SPATA24: variants seen among roughly 807,000 people sequenced by gnomAD.
SPATA24 encodes spermatogenesis associated 24.
Under a neutral mutation model 28.9 loss-of-function variants are expected in SPATA24, and 21 were observed. The ratio of observed to expected loss-of-function variants is 0.73; its 90% CI spans 0.52 to 1.05. The LOEUF is 1.05. Among genes scored for constraint, SPATA24 ranks in the 50% least tolerant of loss-of-function variants. The pLI is 0.00. For synonymous variants in SPATA24, 76 were observed against 89.9 expected, an observed-to-expected ratio of 0.85 and a Z score of 0.88; for missense variants, 215 against 242.9, an observed-to-expected ratio of 0.88 and a Z score of 0.76.
chr5:139,392,611 G>A, downstream of SPATA24: 17 of 1,376,876 alleles, frequency 1.2e-5, no homozygotes, highest in Non-Finnish European at 1.5e-5. This position sits in a 1 kb window ranked among gnomAD's most constrained non-coding sequence, Gnocchi z 5.8. Flanking sequence ...GGGCTCGGGG[G>A]CCGTAGGTGG....
chr5:139,394,680 C>T (rs558105788), downstream of SPATA24: 2 of 1,534,480 alleles, frequency 1.3e-6, no homozygotes, highest in South Asian at 2.4e-5. Context: ...GCTCCGTGAA[C>T]TGTTGTTGCG....
At chr5:139,397,450 C>G (rs1413628744) in intron 4 of SPATA24, among the ~76,000 whole-genome samples, 1 of 152,096 alleles carries the variant, frequency 6.6e-6, no homozygotes, top group Non-Finnish European at 1.5e-5. Flanking sequence ...GGCGCCTGCC[C>G]TCAACTCCTG....
At chr5:139,403,512 C>T (rs1242607544) in intron 1 of SPATA24, among the ~76,000 whole-genome samples, 2 of 152,164 alleles carry the variant, frequency 1.3e-5, no homozygotes, top group African/African-American at 2.4e-5. Flanking sequence ...TCTTGGAGGC[C>T]CCTAAGTTAG....
At chr5:139,394,342 G>A (rs1033410118), downstream of SPATA24, 3 of 1,438,678 alleles carry the variant, frequency 2.1e-6, no homozygotes, top group Admixed American at 8.6e-5. Flanking sequence ...GAAGCCCGCG[G>A]CGGCCTGCAG....
chr5:139,393,920 C>CA, downstream of SPATA24: 1 of 1,551,038 alleles, frequency 6.4e-7, no homozygotes, highest in South Asian at 1.2e-5. Flanking sequence ...CTTGGCCTCA[C>CA]AGCCCTACTC....
intron 4 of SPATA24, among the ~76,000 whole-genome samples, chr5:139,400,762 G>A (rs757806843): frequency 6.6e-6 from 1 of 152,092 alleles, no homozygotes; most frequent in Non-Finnish European, 1.5e-5. Flanking sequence ...ACAGAGCAGA[G>A]TTGAAAACTG....
intron 4 of SPATA24, among the ~76,000 whole-genome samples, chr5:139,397,426 G>A (rs1758734773): frequency 6.6e-6 from 1 of 152,166 alleles, no homozygotes; most frequent in South Asian, 2.1e-4. Context: ...CTGACCAAAG[G>A]CTGGAAGATG....
chr5:139,396,118 C>T (rs1758700093), downstream of SPATA24: 1 of 950,178 alleles, frequency 1.1e-6, no homozygotes, highest in Admixed American at 6.2e-5. Flanking sequence ...CCCTCCTGTG[C>T]ACTTGGCCTC....
At chr5:139,396,114 T>C, downstream of SPATA24, 1 of 933,520 alleles carries the variant, frequency 1.1e-6, no homozygotes, top group African/African-American at 1.8e-5. Context: ...TGCCCCCTCC[T>C]GTGCACTTGG....
At position 139,402,546 on chromosome 5, in the gene SPATA24, G is replaced by A; in HGVS notation, c.183+82C>T. The A allele has an allele frequency of 3.1e-6, 4 of 1,292,124 alleles. No homozygotes were observed. The South Asian group carries it at 5.1e-5, about 16-fold the overall frequency. The allele number at this position is 1,292,124 out of a possible 1,614,324, so 80.0% of individuals were successfully genotyped here. On this transcript the variant is annotated intron_variant, in intron 2 of 5. Coordinates refer to ENST00000450845, the MANE Select transcript of SPATA24 (RefSeq NM_194296.2). ...TTGTGAGCCACTGCACCCATCAGAG[G>A]CTAATACTTAATGAGCCTGCCTAAC...
intron 1 of SPATA24, 84 bp downstream of exon 1, chr5:139,403,860 C>A: frequency 8.4e-7 from 1 of 1,191,234 alleles, no homozygotes; most frequent in South Asian, 1.3e-5. Flanking sequence ...TAGCCACGGC[C>A]CCCGCATCGG....
chr5:139,402,059 A>G lies in SPATA24; in HGVS notation c.184-14T>C. 6.5e-7 allele frequency: 1 copy of G among 1,550,258 alleles called. No individual in the cohort carries two copies. On this transcript the variant is annotated splice_polypyrimidine_tract_variant and intron_variant, in intron 2 of 5. Transcript: ENST00000450845. Reference sequence around the variant, plus strand: ...AGCTTTCTCTTCCTGCAGGGGCAGCAGCAGTCACCTCATTACCCTAGGCCG... The same window carrying G: ...AGCTTTCTCTTCCTGCAGGGGCAGCGGCAGTCACCTCATTACCCTAGGCCG...
rs1454973919 is a variant in SPATA24, at chr5:139,397,142, C to A, written c.387G>T (p.Glu129Asp). The A allele has an allele frequency of 6.4e-7, 1 of 1,551,366 alleles. No homozygotes were observed. Among genetic ancestry groups the A allele is most frequent in the East Asian group, 2.4e-5 (1 of 40,916 alleles). Residue 129 changes from glutamate (E) to aspartate (D), a missense_variant and splice_region_variant, in exon 5 of 6, where the codon GAG becomes GAT. Physicochemically the swap from Glu to Asp is conservative, Grantham distance 45 (BLOSUM62 2). Transcript: ENST00000450845. ...CTTGCTTTATAATGTGAGACTCAAT[C>A]TCTGTGGGGGAGAGAGGCAGGGAGG... ...KKDQLITKCN[E>D]IESHIIKQED...
chr5:139,394,719 G>A (rs542059364), downstream of SPATA24: 42 of 1,532,040 alleles, frequency 2.7e-5, no homozygotes, highest in South Asian at 5.0e-4. Flanking sequence ...CGGAGCAGCC[G>A]AACAGGGGTC....
downstream of SPATA24, chr5:139,392,528 G>T: frequency 7.4e-7 from 1 of 1,344,620 alleles, no homozygotes; most frequent in Admixed American, 4.1e-5. The surrounding 1 kb of genome is among the most constrained non-coding windows in gnomAD (Gnocchi z 5.8). Context: ...GAGGCAGCGC[G>T]GGGCTGGGCT....
downstream of SPATA24, chr5:139,393,685 G>C (rs1758639672): frequency 6.4e-7 from 1 of 1,550,742 alleles, no homozygotes; most frequent in Admixed American, 2.0e-5. Context: ...CCTTTCCCCA[G>C]CAACACACTG....
At chr5:139,395,211 C>G (rs1007827313), downstream of SPATA24, 2 of 936,412 alleles carry the variant, frequency 2.1e-6, no homozygotes, top group Admixed American at 4.2e-5. Flanking sequence ...CACTCCTGAG[C>G]CAGCGGCGCC....
chr5:139,395,984 G>T (rs1581398248), downstream of SPATA24, among the ~76,000 whole-genome samples: 1 of 152,304 alleles, frequency 6.6e-6, no homozygotes, highest in Middle Eastern at 3.4e-3. Context: ...GACAGGCGCT[G>T]GTGGGGAGGC....
chr5:139,395,486 G>C, downstream of SPATA24: 1 of 182,798 alleles, frequency 5.5e-6, no homozygotes, highest in Non-Finnish European at 1.1e-5. Context: ...CTGTGAGCGG[G>C]TGAACCAGAC....
Sources: gnomAD v4.1 joint callset for allele counts (sites outside exome capture counted in the v4.1 genomes callset) on GRCh38, gnomAD v4.1.1 for gene constraint, Gnocchi (gnomAD v3.1) non-coding constraint, MANE v1.5 for transcripts, NCBI Gene and HGNC (gene_info 2026-07-23, HGNC 2026-07-21) for gene names.